The following CCDC88A variants were observed in gnomAD, a reference collection of about 807,000 sequenced individuals.
CCDC88A encodes girdin.
CCDC88A carries 54 observed loss-of-function variants against 234.3 expected under a neutral mutation model. That is an observed-to-expected ratio of 0.23 (90% CI 0.19 to 0.29). The LOEUF (loss-of-function observed/expected upper bound fraction) is 0.29. Among genes scored for constraint, CCDC88A ranks in the 10% least tolerant of loss-of-function variants. The pLI is 1.00. For synonymous variants in CCDC88A, 753 were observed against 737.8 expected (o/e 1.02, Z -0.33); for missense variants, 1,832 against 2,123.4 (o/e 0.86, Z 2.70).
chr2:55,370,407 C>T (rs994396783), intron 5 of CCDC88A, among the ~76,000 whole-genome samples: 1 of 151,926 alleles, frequency 6.6e-6, no homozygotes, highest in African/African-American at 2.4e-5. Context: ...GTTGGAAGGC[C>T]GAGGCGGGCA....
chr2:55,350,864 G>A (rs1307268162), intron 8 of CCDC88A, among the ~76,000 whole-genome samples: 2 of 151,992 alleles, frequency 1.3e-5, no homozygotes, highest in East Asian at 3.9e-4. Flanking sequence ...GTTGTCCAGG[G>A]TGGTCTTGAG....
chr2:55,350,041 G>C (rs919982615), intron 8 of CCDC88A: 2 of 153,096 alleles, frequency 1.3e-5, no homozygotes, highest in African/African-American at 4.8e-5. Flanking sequence ...CAATTCTCCT[G>C]CCTCAGTAGC....
intron 2 of CCDC88A, among the ~76,000 whole-genome samples, chr2:55,394,822 A>AG (rs974674591): frequency 9.2e-5 from 14 of 151,910 alleles, no homozygotes; most frequent in African/African-American, 3.4e-4. Context: ...AATAAAAAAA[A>AG]AAAGAAAAAA....
At chr2:55,326,083 T>A (rs748406810) in intron 17 of CCDC88A, among the ~76,000 whole-genome samples, 6 of 152,246 alleles carry the variant, frequency 3.9e-5, no homozygotes, top group Non-Finnish European at 8.8e-5. Context: ...TTATATCTAA[T>A]ATAGTTATTG....
intron 3 of CCDC88A, among the ~76,000 whole-genome samples, chr2:55,375,867 A>T (rs1342591108): frequency 1.3e-5 from 2 of 152,118 alleles, no homozygotes; most frequent in Non-Finnish European, 2.9e-5. Context: ...ATATTTTTAA[A>T]ATGTCAACTG....
At chr2:55,316,137 T>C (rs753269270) in intron 21 of CCDC88A, 23 bp from the exon 22 acceptor site, 1 of 1,025,034 alleles carries the variant, frequency 9.8e-7, no homozygotes. Flanking sequence ...ATCATAGAAA[T>C]ATAATTAGAT....
At chr2:55,294,432 C>A (rs1241543098) in intron 31 of CCDC88A, 1 of 889,758 alleles carries the variant, frequency 1.1e-6, no homozygotes, top group Admixed American at 6.2e-5. Context: ...TCTTTTAAAT[C>A]TGAAAAATGT....
At chr2:55,362,139 A>C in intron 7 of CCDC88A, 169 bp downstream of exon 7, 1 of 477,582 alleles carries the variant, frequency 2.1e-6, no homozygotes, top group Non-Finnish European at 3.7e-6. Context: ...GTTTACTAGC[A>C]ATTTGGGGTT....
chr2:55,337,135 G>A (rs1158047430), intron 13 of CCDC88A: 2 of 176,736 alleles, frequency 1.1e-5, no homozygotes, highest in Non-Finnish European at 2.3e-5. Context: ...GATTCACTTG[G>A]CTTGAGTGGA....
chr2:55,385,855 A>ATC (rs1386561375), intron 3 of CCDC88A, among the ~76,000 whole-genome samples: 1 of 13,100 alleles, frequency 7.6e-5, no homozygotes, highest in Non-Finnish European at 2.9e-4. Flanking sequence ...TCCATGTCAA[A>ATC]AAAAAAAAAA....
Position 55,327,187 on chromosome 2 carries a change from TAGC to T in CCDC88A, c.2997+1104_2997+1106del, listed in dbSNP as rs1176985237. Among the ~76,000 whole-genome samples the T allele has an allele frequency of 7.2e-5, 11 of 152,270 alleles. No individual in the cohort carries two copies. In the East Asian group the frequency reaches 9.6e-4, roughly 13 times the overall value. The stretch of plus-strand genomic sequence containing the variant: ...GTTCGATGGCAATGTCTGTGACAAA[TAGC>T]AGCAATAATGGTGTCAGCAAATAGT... On this transcript the variant is annotated intron_variant, in intron 17 of 32. Coordinates refer to ENST00000436346, the MANE Select transcript of CCDC88A (RefSeq NM_001365480.1).
In CCDC88A at chr2:55,332,079, T is replaced by A. The variant is rs1247241498; in HGVS notation, c.2855+487A>T. ...AGTTTTTTGTTTTCTTATATCTATA[T>A]TAGATTGTCTATGATTCCTCTTTTC... On this transcript the variant is annotated intron_variant, in intron 16 of 32. Coordinates refer to ENST00000436346, the MANE Select transcript of CCDC88A (RefSeq NM_001365480.1). This position sits in a 1 kb window ranked among gnomAD's most constrained non-coding sequence, Gnocchi z 4.5. The A allele has an allele frequency of 1.3e-5, 2 of 152,372 alleles. No homozygotes were observed. Among genetic ancestry groups the A allele is most frequent in the African/African-American group, 4.8e-5 (2 of 41,434 alleles). The allele number at this position is 152,372 out of a possible 1,614,324, so 9.4% of individuals were successfully genotyped here. A position where few individuals can be genotyped will look rare whatever the true frequency, so the allele number is the denominator to read the frequency against.
chr2:55,406,641 C>T (rs1206969876), intron 2 of CCDC88A, among the ~76,000 whole-genome samples: 2 of 152,060 alleles, frequency 1.3e-5, no homozygotes, highest in Non-Finnish European at 2.9e-5. Context: ...CAACTGTAAT[C>T]CCAGTTACTC....
intron 3 of CCDC88A, among the ~76,000 whole-genome samples, chr2:55,376,041 C>T (rs1379248062): frequency 6.6e-6 from 1 of 152,044 alleles, no homozygotes; most frequent in Non-Finnish European, 1.5e-5. Flanking sequence ...TCTGAACGTA[C>T]AAGGTGATTC....
At chr2:55,375,468 ACTATATATATAT>A (rs1673483617) in intron 3 of CCDC88A, among the ~76,000 whole-genome samples, 5 of 129,718 alleles carry the variant, frequency 3.9e-5, no homozygotes, top group South Asian at 4.9e-4. Flanking sequence ...CTGTCACTGT[ACTATATATATAT>A]ATATATATAT....
chr2:55,363,484 C>CT (rs1160417452), intron 6 of CCDC88A: 1 of 152,008 alleles, frequency 6.6e-6, no homozygotes, highest in Non-Finnish European at 1.5e-5. Flanking sequence ...ATGCCCTAGA[C>CT]TTAAGTTTTT....
intron 3 of CCDC88A, among the ~76,000 whole-genome samples, chr2:55,375,491 A>G (rs918548829): frequency 3.7e-5 from 1 of 27,158 alleles, no homozygotes; most frequent in African/African-American, 7.3e-5. Context: ...ATATATATAT[A>G]TATATATATA....
chr2:55,359,729 T>A (rs1671045742), intron 7 of CCDC88A, among the ~76,000 whole-genome samples: 1 of 151,812 alleles, frequency 6.6e-6, no homozygotes, highest in Non-Finnish European at 1.5e-5. Context: ...TATTAGACTA[T>A]AACAATCTTT....
chr2:55,383,825 T>G (rs907527158), intron 3 of CCDC88A, among the ~76,000 whole-genome samples: 12 of 152,074 alleles, frequency 7.9e-5, no homozygotes, highest in African/African-American at 2.4e-4. Flanking sequence ...TTGCAATGTG[T>G]CATATATTAA....
Sources: allele counts gnomAD v4.1 joint callset (sites outside exome capture counted in the v4.1 genomes callset), GRCh38; gene constraint gnomAD v4.1.1; non-coding constraint Gnocchi (gnomAD v3.1); transcripts MANE v1.5; gene names NCBI Gene and HGNC (gene_info 2026-07-23, HGNC 2026-07-21).